Variants in MAP3K4 observed in about 807,000 individuals in gnomAD.
The protein encoded by MAP3K4 is MAP three kinase 1.
Under a neutral mutation model 185.6 loss-of-function variants are expected in MAP3K4, and 67 were observed. The observed-to-expected ratio is 0.36, with a 90% CI of 0.30 to 0.44. The LOEUF (loss-of-function observed/expected upper bound fraction) is 0.44, where lower values mean the gene tolerates loss of function less well. Ranked by LOEUF, MAP3K4 falls within the 20% of genes least tolerant of loss-of-function variation. The pLI is 1.00. For missense variants in MAP3K4, 1,551 were observed against 1,995.1 expected (o/e 0.78, Z 4.24); for synonymous variants, 702 against 710.4 (o/e 0.99, Z 0.19).
chr6:160,992,548 C>A (rs1039819186), intron 1 of MAP3K4, among the ~76,000 whole-genome samples: 1 of 152,222 alleles, frequency 6.6e-6, no homozygotes, highest in Admixed American at 6.5e-5. Flanking sequence ...CTCCTCCTCT[C>A]CTTTTGCCCG....
chr6:161,048,910 C>T lies in MAP3K4; in HGVS notation c.638C>T (p.Thr213Ile). Residue 213 changes from threonine (T) to isoleucine (I), a missense_variant, in exon 3 of 27, where the codon ACT becomes ATT. Coordinates refer to ENST00000392142, the MANE Select transcript of MAP3K4 (RefSeq NM_005922.4). The surrounding 1 kb of genome is among the most constrained non-coding windows in gnomAD (Gnocchi z 4.7). ...CCTATAGCCAGACCTGCACGCCAGA[C>T]TTCTAGGACTGACTGTCCAGCAGAT... is the stretch of plus-strand genomic sequence containing the variant. ...PMPIARPARQ[T>I]SRTDCPADRL... is the part of the protein sequence containing the mutation. 6.2e-7 allele frequency: 1 copy of T among 1,614,154 alleles called. No homozygotes were observed. Among genetic ancestry groups the T allele is most frequent in the Non-Finnish European group, 8.5e-7 (1 of 1,180,024 alleles).
At chr6:161,038,858 T>C (rs1783305272) in intron 2 of MAP3K4, among the ~76,000 whole-genome samples, 1 of 152,146 alleles carries the variant, frequency 6.6e-6, no homozygotes, top group African/African-American at 2.4e-5. Context: ...CTCACTCACA[T>C]ATGTGTCTGT....
chr6:161,023,871 A>G (rs1205530659), intron 1 of MAP3K4, among the ~76,000 whole-genome samples: 1 of 152,238 alleles, frequency 6.6e-6, no homozygotes, highest in Middle Eastern at 3.2e-3. Flanking sequence ...CTGTACAGTA[A>G]CATCACAATT....
In MAP3K4 at chr6:161,070,814, A is replaced by G. The variant is rs1331621912; in HGVS notation, c.1914A>G (p.Arg638=). ...GTCTGAAGTTAAGATTGGAGCAGAG[A>G]CCTGCTGGAGAACCATCTCTCTTGA... ...HECLKLRLEQ[R]PAGEPSLLSI... is the part of the protein sequence containing the mutation. Residue 638 remains arginine (R), a synonymous_variant, in exon 4 of 27, where the codon AGA becomes AGG. Transcript: ENST00000392142. The surrounding 1 kb of genome is among the most constrained non-coding windows in gnomAD (Gnocchi z 4.5). 1.9e-6 allele frequency: 3 copies of G among 1,613,704 alleles called. No homozygotes were observed.
At chr6:161,024,781 C>T (rs1310827810) in intron 1 of MAP3K4, among the ~76,000 whole-genome samples, 1 of 152,196 alleles carries the variant, frequency 6.6e-6, no homozygotes, top group African/African-American at 2.4e-5. Flanking sequence ...CAGGTTACCC[C>T]ATTGCAATGT....
rs1778273649 is a variant in MAP3K4, at chr6:161,110,004, CAT to C, written c.4396+93_4396+94del. 1.5e-6 allele frequency: 2 copies of C among 1,341,654 alleles called. No homozygotes were observed. Among genetic ancestry groups the C allele is most frequent in the Admixed American group, 3.8e-5 (2 of 52,918 alleles). The allele number at this position is 1,341,654 out of a possible 1,614,324, so 83.1% of individuals were successfully genotyped here. A position where few individuals can be genotyped will look rare whatever the true frequency, so the allele number is the denominator to read the frequency against. ...TCTGAAGACGCTCATCCCATTCCCA[CAT>C]ATGATTTCTCTAGATGGAAATACCT... is the stretch of plus-strand genomic sequence containing the variant. On this transcript the variant is annotated intron_variant, in intron 23 of 26. Coordinates refer to ENST00000392142, the MANE Select transcript of MAP3K4 (RefSeq NM_005922.4). The surrounding 1 kb of genome is among the most constrained non-coding windows in gnomAD (Gnocchi z 4.8).
In MAP3K4 at chr6:161,074,955, G is replaced by A. The variant is rs1190013051; in HGVS notation, c.2097+1343G>A. ...CTTTTGTTGACCAGACCTGTTGCATGGCCTCACTGTTGCCATGGAGGCTGG... is the reference window on the plus strand; with the variant it reads ...CTTTTGTTGACCAGACCTGTTGCATAGCCTCACTGTTGCCATGGAGGCTGG... On this transcript the variant is annotated intron_variant, in intron 5 of 26. Coordinates refer to ENST00000392142, the MANE Select transcript of MAP3K4 (RefSeq NM_005922.4). This position sits in a 1 kb window ranked among gnomAD's most constrained non-coding sequence, Gnocchi z 5.0. Among the ~76,000 whole-genome samples, 1 of 152,134 alleles carries A rather than the reference G, an allele frequency of 6.6e-6. No individual in the cohort carries two copies. The highest frequency in any genetic ancestry group is 1.5e-5 in the Non-Finnish European group (1 of 68,016).
At chr6:161,032,728 A>G (rs1413877004) in intron 1 of MAP3K4, among the ~76,000 whole-genome samples, 1 of 152,244 alleles carries the variant, frequency 6.6e-6, no homozygotes, top group African/African-American at 2.4e-5. Context: ...AGAAATTTCA[A>G]GTTAATCTGT....
chr6:161,073,592 G>T lies in MAP3K4; in HGVS notation c.2077G>T (p.Asp693Tyr). The T allele has an allele frequency of 6.2e-7, 1 of 1,613,576 alleles. No individual in the cohort carries two copies. Among genetic ancestry groups the T allele is most frequent in the Non-Finnish European group, 8.5e-7 (1 of 1,179,802 alleles). Residue 693 changes from aspartate to tyrosine, a missense_variant, in exon 5 of 27, where the codon GAT (aspartate) becomes TAT (tyrosine). Transcript: ENST00000392142. This position sits in a 1 kb window ranked among gnomAD's most constrained non-coding sequence, Gnocchi z 4.2. Reference sequence around the variant, plus strand: ...CTGCAACATTGACGCTTTTGAAGAGGATCTACATAAAATGCTTATGGTCAG... The same window carrying T: ...CTGCAACATTGACGCTTTTGAAGAGTATCTACATAAAATGCTTATGGTCAG... ...PDCNIDAFEE[D>Y]LHKMLMVYFD...
chr6:161,102,046 A>G (rs1020900053), intron 18 of MAP3K4, 54 bp downstream of exon 18: 7 of 1,415,758 alleles, frequency 4.9e-6, no homozygotes, highest in Non-Finnish European at 6.9e-6. Context: ...CATTTGTCTC[A>G]GTTCACCAGT....
intron 3 of MAP3K4, among the ~76,000 whole-genome samples, chr6:161,059,268 TGGGATCACA>T (rs1784384395): frequency 6.6e-6 from 1 of 152,086 alleles, no homozygotes; most frequent in South Asian, 2.1e-4. Flanking sequence ...CCTGAGTAGC[TGGGATCACA>T]GGCGTGTGCA....
chr6:161,097,104 C>T lies in MAP3K4; in HGVS notation c.3452C>T (p.Pro1151Leu). 6.2e-7 allele frequency: 1 copy of T among 1,614,164 alleles called. No individual in the cohort carries two copies. Among genetic ancestry groups the T allele is most frequent in the Non-Finnish European group, 8.5e-7 (1 of 1,180,022 alleles). Residue 1151 changes from proline (P) to leucine (L), a missense_variant, in exon 16 of 27, where the codon CCT (proline) becomes CTT (leucine). By Grantham distance (98) the Pro-to-Leu change is moderately conservative. Transcript: ENST00000392142. This position sits in a 1 kb window ranked among gnomAD's most constrained non-coding sequence, Gnocchi z 4.9. ...GCCATTCATCGGAACAGCCCCCGTC[C>T]TATGAAGGTACCTCGATGCCATAGT... is the stretch of plus-strand genomic sequence containing the variant. The part of the protein sequence containing the change: ...YLAIHRNSPR[P>L]MKVPRCHSDP...
At chr6:161,050,790 C>T (rs903481221) in intron 3 of MAP3K4, among the ~76,000 whole-genome samples, 1 of 152,122 alleles carries the variant, frequency 6.6e-6, no homozygotes, top group African/African-American at 2.4e-5. Context: ...TTTGCATGTT[C>T]GTCTGGCTAA....
chr6:161,116,286 A>C lies in MAP3K4; in HGVS notation c.4807-564A>C, dbSNP rs575391875. Among the ~76,000 whole-genome samples the C allele has an allele frequency of 9.2e-5, 14 of 152,018 alleles. No individual in the cohort carries two copies. Among genetic ancestry groups the C allele is most frequent in the African/African-American group, 3.4e-4 (14 of 41,370 alleles). On this transcript the variant is annotated intron_variant, in intron 26 of 26. Coordinates refer to ENST00000392142, the MANE Select transcript of MAP3K4 (RefSeq NM_005922.4). This position sits in a 1 kb window ranked among gnomAD's most constrained non-coding sequence, Gnocchi z 6.2. ...TGGAGCATCTGCTTGGAGATTTCAC[A>C]TGGGCATTTGGATACCTGGGGCTGG...
At chr6:161,057,527 G>C (rs993883766) in intron 3 of MAP3K4, among the ~76,000 whole-genome samples, 1 of 152,142 alleles carries the variant, frequency 6.6e-6, no homozygotes, top group African/African-American at 2.4e-5. Flanking sequence ...AAAAATACGT[G>C]TGCCTAGCCA....
intron 1 of MAP3K4, among the ~76,000 whole-genome samples, chr6:160,998,155 C>T (rs1781091994): frequency 6.6e-6 from 1 of 152,172 alleles, no homozygotes; most frequent in African/African-American, 2.4e-5. Flanking sequence ...TACAGGTGCG[C>T]ACCACCACAC....
chr6:161,058,125 G>A (rs1297972374), intron 3 of MAP3K4, among the ~76,000 whole-genome samples: 1 of 152,246 alleles, frequency 6.6e-6, no homozygotes, highest in Non-Finnish European at 1.5e-5. Flanking sequence ...GCAGAGCCAG[G>A]ATATGAACCC....
rs1469855319 is a variant in MAP3K4, at chr6:161,110,362, T to G, written c.4396+448T>G. 6.6e-6 allele frequency among the ~76,000 whole-genome samples: 1 copy of G among 152,204 alleles called. No homozygotes were observed. The highest frequency in any genetic ancestry group is 1.5e-5 in the Non-Finnish European group (1 of 68,040). ...TTTTGAGACAAGAATGGGGTTTGTTTACACAAACCTTGAAATTGAGTTCTG... is the reference window on the plus strand; with the variant it reads ...TTTTGAGACAAGAATGGGGTTTGTTGACACAAACCTTGAAATTGAGTTCTG... On this transcript the variant is annotated intron_variant, in intron 23 of 26. Coordinates refer to ENST00000392142, the MANE Select transcript of MAP3K4 (RefSeq NM_005922.4). This position sits in a 1 kb window ranked among gnomAD's most constrained non-coding sequence, Gnocchi z 4.8.
chr6:161,084,974 G>T lies in MAP3K4; in HGVS notation c.2372+357G>T, dbSNP rs774939007. 6.6e-6 allele frequency among the ~76,000 whole-genome samples: 1 copy of T among 151,904 alleles called. No homozygotes were observed. The highest frequency in any genetic ancestry group is 6.6e-5 in the Admixed American group (1 of 15,258). On this transcript the variant is annotated intron_variant, in intron 7 of 26. Transcript: ENST00000392142. This position sits in a 1 kb window ranked among gnomAD's most constrained non-coding sequence, Gnocchi z 4.6. The stretch of plus-strand genomic sequence containing the variant: ...AGCCTGGCCAAGATGGTGAAACCTC[G>T]TCTCTACTAAAAATACAAAAAAAAC...
Sources: allele counts gnomAD v4.1 joint callset (sites outside exome capture counted in the v4.1 genomes callset), GRCh38; gene constraint gnomAD v4.1.1; non-coding constraint Gnocchi (gnomAD v3.1); transcripts MANE v1.5; gene names NCBI Gene and HGNC (gene_info 2026-07-23, HGNC 2026-07-21).